Variants in PTPRD observed in about 807,000 individuals in gnomAD.
The protein encoded by PTPRD is receptor-type tyrosine-protein phosphatase delta.
PTPRD carries 34 observed loss-of-function variants against 214.5 expected under a neutral mutation model. The ratio of observed to expected loss-of-function variants is 0.16; its 90% CI spans 0.12 to 0.21. PTPRD has a LOEUF of 0.21. Ranked by LOEUF, PTPRD falls within the 10% of genes least tolerant of loss-of-function variation. The pLI is 1.00. For missense variants in PTPRD, 2,545 were observed against 2,398.7 expected (o/e 1.06, Z -1.27); for synonymous variants, 1,128 against 845.7 (o/e 1.33, Z -5.79).
intron 2 of PTPRD, among the ~76,000 whole-genome samples, chr9:10,576,896 C>T (rs73396285): frequency 0.088 from 13,348 of 152,044 alleles, 710 homozygotes; most frequent in African/African-American, 0.14. Context: ...TAATTGCCAA[C>T]ACTCACCCTT....
intron 14 of PTPRD, among the ~76,000 whole-genome samples, chr9:8,570,969 T>C (rs545669282): frequency 3.3e-5 from 5 of 151,912 alleles, no homozygotes; most frequent in Admixed American, 6.6e-5. Context: ...ACTTAAACAC[T>C]CTTGAAGCAT....
rs999526522 is a variant in PTPRD, at chr9:10,035,726, C to T, written c.-544-1936G>A. Among the ~76,000 whole-genome samples the T allele has an allele frequency of 1.1e-4, 17 of 151,994 alleles. No homozygotes were observed. The East Asian group carries it at 2.1e-3, about 19-fold the overall frequency. On this transcript the variant is annotated intron_variant, in intron 3 of 45. Coordinates refer to ENST00000381196, the MANE Select transcript of PTPRD (RefSeq NM_002839.4). ...CAATCTTACAGTCCATTTCCCCCAACCCAAATGTTATGGTGCCCAAATATG... is the reference window on the plus strand; with the variant it reads ...CAATCTTACAGTCCATTTCCCCCAATCCAAATGTTATGGTGCCCAAATATG...
At chr9:9,226,436 G>C (rs1250268580) in intron 9 of PTPRD, among the ~76,000 whole-genome samples, 2 of 151,928 alleles carry the variant, frequency 1.3e-5, no homozygotes, top group African/African-American at 4.8e-5. Context: ...TATTATTGAT[G>C]ATACCAAATC....
In PTPRD at chr9:10,381,620, A is replaced by G. The variant is rs2097826942; in HGVS notation, c.-599-40603T>C. On this transcript the variant is annotated intron_variant, in intron 2 of 45. Transcript: ENST00000381196. ...CTGTTATCTGGCTACAAAAGCACACATTAGCACTGGAGAGGGATCACTTTA... is the reference window on the plus strand; with the variant it reads ...CTGTTATCTGGCTACAAAAGCACACGTTAGCACTGGAGAGGGATCACTTTA... 4.6e-5 allele frequency among the ~76,000 whole-genome samples: 7 copies of G among 151,976 alleles called. No homozygotes were observed. The South Asian group carries it at 1.4e-3, about 31-fold the overall frequency.
chr9:9,297,918 T>A (rs1052610549), intron 9 of PTPRD, among the ~76,000 whole-genome samples: 1 of 151,656 alleles, frequency 6.6e-6, no homozygotes, highest in African/African-American at 2.4e-5. Flanking sequence ...CACAGCCCTA[T>A]AAGATAAGTA....
At chr9:10,423,224 A>C (rs1427173213) in intron 2 of PTPRD, among the ~76,000 whole-genome samples, 1 of 152,020 alleles carries the variant, frequency 6.6e-6, no homozygotes, top group Non-Finnish European at 1.5e-5. Flanking sequence ...CAAGCACCGC[A>C]TGTTCTCACT....
intron 3 of PTPRD, among the ~76,000 whole-genome samples, chr9:10,272,856 A>C (rs1216902886): frequency 6.6e-6 from 1 of 152,200 alleles, no homozygotes; most frequent in Non-Finnish European, 1.5e-5. Flanking sequence ...ACATGTGTGA[A>C]TTTTTGAAGA....
chr9:9,650,006 T>C (rs1288423443), intron 7 of PTPRD, among the ~76,000 whole-genome samples: 1 of 152,124 alleles, frequency 6.6e-6, no homozygotes, highest in Non-Finnish European at 1.5e-5. Context: ...TAGAATGATA[T>C]GGTTTGGTTC....
intron 9 of PTPRD, among the ~76,000 whole-genome samples, chr9:9,226,805 T>C (rs1005474246): frequency 6.6e-6 from 1 of 152,058 alleles, no homozygotes; most frequent in African/African-American, 2.4e-5. Context: ...AACATGGATA[T>C]CATATAATAG....
At position 8,682,657 on chromosome 9, in the gene PTPRD, G is replaced by C. The variant is rs117789266; in HGVS notation, c.65-45813C>G. ...CCTAGTGTAGCAGGTGATGTACAAA[G>C]CTCTTTCTTAAAACATTGAACAGAA... On this transcript the variant is annotated intron_variant, in intron 12 of 45. Coordinates refer to ENST00000381196, the MANE Select transcript of PTPRD (RefSeq NM_002839.4). 1.5e-3 allele frequency among the ~76,000 whole-genome samples: 235 copies of C among 152,240 alleles called. 1 individual carries two copies. Among genetic ancestry groups the C allele is most frequent in the East Asian group, 0.015 (79 of 5,188 alleles).
At chr9:9,124,466 T>G (rs993969399) in intron 10 of PTPRD, among the ~76,000 whole-genome samples, 1 of 152,114 alleles carries the variant, frequency 6.6e-6, no homozygotes, top group African/African-American at 2.4e-5. Flanking sequence ...AAAGACAGAC[T>G]GAAATTAGAC....
chr9:9,412,518 C>T (rs2065514), intron 8 of PTPRD, among the ~76,000 whole-genome samples: 32,676 of 151,826 alleles, frequency 0.22, 3,738 homozygotes, highest in South Asian at 0.29. Context: ...TAGTAATCTC[C>T]CTTTCACATT....
chr9:9,039,244 A>T (rs866609745), intron 10 of PTPRD, among the ~76,000 whole-genome samples: 2 of 152,288 alleles, frequency 1.3e-5, no homozygotes, highest in African/African-American at 2.4e-5. Context: ...AATCAGAAGG[A>T]CTGTTAGCTA....
chr9:9,661,266 T>C (rs576879897), intron 7 of PTPRD, among the ~76,000 whole-genome samples: 2 of 152,044 alleles, frequency 1.3e-5, no homozygotes, highest in East Asian at 1.9e-4. Flanking sequence ...TAAAAACTAA[T>C]TATATGAAAA....
chr9:8,648,377 A>G (rs975899822), intron 12 of PTPRD, among the ~76,000 whole-genome samples: 8 of 152,200 alleles, frequency 5.3e-5, no homozygotes, highest in Middle Eastern at 3.2e-3. Context: ...GTTTTGGTGT[A>G]AGACACTCAA....
intron 37 of PTPRD, among the ~76,000 whole-genome samples, chr9:8,379,456 T>C (rs939671956): frequency 6.6e-6 from 1 of 152,168 alleles, no homozygotes; most frequent in Middle Eastern, 3.2e-3. Flanking sequence ...AGTCTCCTTT[T>C]TTGCCATATG....
intron 3 of PTPRD, among the ~76,000 whole-genome samples, chr9:10,135,893 G>A (rs1295034351): frequency 6.6e-6 from 1 of 151,102 alleles, no homozygotes; most frequent in Non-Finnish European, 1.5e-5. Context: ...TAATCTTGAT[G>A]GAAATGATCT....
At chr9:10,412,764 G>A (rs1454210075) in intron 2 of PTPRD, among the ~76,000 whole-genome samples, 2 of 151,594 alleles carry the variant, frequency 1.3e-5, no homozygotes, top group Non-Finnish European at 2.9e-5. Context: ...TATCCACAAC[G>A]ATCAAGTAGG....
intron 3 of PTPRD, among the ~76,000 whole-genome samples, chr9:10,091,781 A>G (rs1280276929): frequency 7.2e-6 from 1 of 139,732 alleles, no homozygotes; most frequent in Middle Eastern, 3.3e-3. Flanking sequence ...TATGTATCTC[A>G]TTTTTCTTAG....
Sources: allele counts gnomAD v4.1 joint callset (sites outside exome capture counted in the v4.1 genomes callset), GRCh38; gene constraint gnomAD v4.1.1; transcripts MANE v1.5; gene names NCBI Gene and HGNC (gene_info 2026-07-23, HGNC 2026-07-21).